FAT3: variants seen among roughly 807,000 people sequenced by gnomAD.
FAT3 encodes protocadherin Fat 3.
FAT3 carries 95 observed loss-of-function variants against 310.2 expected under a neutral mutation model. The ratio of observed to expected loss-of-function variants is 0.31; its 90% CI spans 0.26 to 0.36. The LOEUF is 0.36. FAT3 is among the 10% of genes least tolerant of loss of function. The probability of loss-of-function intolerance (pLI) is 1.00; values close to 1 mark genes in which losing one functional copy is unlikely to be tolerated. For synonymous variants in FAT3, 2,314 were observed against 2,192.9 expected (o/e 1.06, Z -1.54); for missense variants, 5,408 against 5,715.6 (o/e 0.95, Z 1.74).
At chr11:92,594,003 C>T (rs1591496578) in intron 3 of FAT3, among the ~76,000 whole-genome samples, 1 of 152,294 alleles carries the variant, frequency 6.6e-6, no homozygotes, top group African/African-American at 2.4e-5. Context: ...ACCCCTTCTC[C>T]CTGACCCTCC....
At chr11:92,229,281 CT>C (rs1305273085) in intron 1 of FAT3, among the ~76,000 whole-genome samples, 4 of 151,984 alleles carry the variant, frequency 2.6e-5, no homozygotes, top group Non-Finnish European at 5.9e-5. Flanking sequence ...AGGAGTGGGT[CT>C]TTGTTTTTTA....
At chr11:92,626,471 CTTTT>C (rs72017730) in intron 3 of FAT3, among the ~76,000 whole-genome samples, 1 of 145,470 alleles carries the variant, frequency 6.9e-6, no homozygotes. Flanking sequence ...TAGCGTATCT[CTTTT>C]TTTTTTTTTC....
Position 92,352,483 on chromosome 11 carries a change from A to G in FAT3, c.371A>G (p.Asn124Ser). The G allele has an allele frequency of 6.2e-7, 1 of 1,612,836 alleles. No homozygotes were observed. The highest frequency in any genetic ancestry group is 1.3e-5 in the African/African-American group (1 of 75,030). Residue 124 changes from asparagine to serine, a missense_variant, in exon 2 of 28, where the codon AAT becomes AGT. By Grantham distance (46) the Asn-to-Ser change is conservative. Around this residue, in one of 5 missense-constraint regions of FAT3, gnomAD observed 152 missense variants for 188.3 expected, o/e 0.81. Coordinates refer to ENST00000525166, the MANE Select transcript of FAT3 (RefSeq NM_001367949.2). ...ATATTAAATAGGGAAATCCAGGATA[A>G]TTATTTATTGATAGTAAAAGGTTCT... ...SAILNREIQD[N>S]YLLIVKGSVR...
At chr11:92,667,905 C>T (rs1360281499) in intron 3 of FAT3, among the ~76,000 whole-genome samples, 3 of 152,170 alleles carry the variant, frequency 2.0e-5, no homozygotes, top group Non-Finnish European at 2.9e-5. Context: ...CATCTTTTGC[C>T]ACCAAGGCCT....
chr11:92,758,465 A>G (rs937629889), intron 4 of FAT3, among the ~76,000 whole-genome samples: 6 of 152,202 alleles, frequency 3.9e-5, no homozygotes, highest in African/African-American at 1.4e-4. Context: ...GTGCAAAGGA[A>G]TGGAGCTATA....
intron 4 of FAT3, among the ~76,000 whole-genome samples, chr11:92,729,457 C>T (rs949178995): frequency 6.7e-4 from 97 of 144,784 alleles, no homozygotes; most frequent in African/African-American, 2.4e-3. Flanking sequence ...GATGGAGTCT[C>T]GCTCTGTCAC....
intron 1 of FAT3, among the ~76,000 whole-genome samples, chr11:92,282,435 C>T (rs1343535227): frequency 6.6e-6 from 1 of 151,990 alleles, no homozygotes. Flanking sequence ...GAGGCCGAGG[C>T]GGATGGATCA....
rs2136187559 is a variant in FAT3, at chr11:92,800,771, G to A, written c.7758G>A (p.Val2586=). Residue 2586 remains valine (V), a synonymous_variant, in exon 10 of 28, where the codon GTG becomes GTA. Transcript: ENST00000525166. ...DGGGRTTFCT[V]RVIVVDENDN... ...GAGGGAGAACAACTTTCTGCACTGT[G>A]AGAGTGATTGTTGTGGATGAAAATG... 5.6e-6 allele frequency: 9 copies of A among 1,613,930 alleles called. No individual in the cohort carries two copies. Among genetic ancestry groups the A allele is most frequent in the Non-Finnish European group, 7.6e-6 (9 of 1,179,872 alleles).
chr11:92,414,230 A>C (rs1206434777), intron 2 of FAT3, among the ~76,000 whole-genome samples: 2 of 152,310 alleles, frequency 1.3e-5, no homozygotes, highest in African/African-American at 2.4e-5. Flanking sequence ...ACAAGCTGAG[A>C]GAGATCACGG....
chr11:92,712,591 A>G (rs1944557960), intron 4 of FAT3, among the ~76,000 whole-genome samples: 1 of 96,712 alleles, frequency 1.0e-5, no homozygotes, highest in Non-Finnish European at 2.0e-5. Flanking sequence ...CTGAATTAAA[A>G]TGAAAAAAAA....
At chr11:92,255,317 A>AT (rs1314478764) in intron 1 of FAT3, among the ~76,000 whole-genome samples, 1 of 149,782 alleles carries the variant, frequency 6.7e-6, no homozygotes, top group African/African-American at 2.4e-5. Context: ...TAATTAGATA[A>AT]TTTTTTATTT....
intron 12 of FAT3, among the ~76,000 whole-genome samples, chr11:92,809,480 G>A (rs1216881284): frequency 6.6e-6 from 1 of 152,158 alleles, no homozygotes; most frequent in East Asian, 1.9e-4. Flanking sequence ...TTCTCTGTGT[G>A]TTTTCTGGAC....
rs2136450943 is a variant in FAT3, at chr11:92,891,103, C to T, written c.13760C>T (p.Thr4587Ile). The T allele has an allele frequency of 6.2e-7, 1 of 1,613,504 alleles. No homozygotes were observed. Among genetic ancestry groups the T allele is most frequent in the Non-Finnish European group, 8.5e-7 (1 of 1,179,756 alleles). ...CCCTTTGTGGAGACTCAGCATCAGA[C>T]TCAAGTGTAGACATCACATCTTGGG... ...HIPFVETQHQTQV is the reference protein window; with the variant it reads ...HIPFVETQHQIQV The change falls in exon 28 of 28, where the codon ACT becomes ATT. Residue 4587 changes from threonine to isoleucine, a missense_variant. Coordinates refer to ENST00000525166, the MANE Select transcript of FAT3 (RefSeq NM_001367949.2).
Position 92,841,005 on chromosome 11 carries a change from G to C in FAT3, c.10566+246G>C, listed in dbSNP as rs575136852. On this transcript the variant is annotated intron_variant, in intron 18 of 27. Coordinates refer to ENST00000525166, the MANE Select transcript of FAT3 (RefSeq NM_001367949.2). Reference sequence around the variant, plus strand: ...ACATTCCTGTAGAGTATGCCCAACAGATGGTCACTGGGCTTAAATCTGCAT... The same window carrying C: ...ACATTCCTGTAGAGTATGCCCAACACATGGTCACTGGGCTTAAATCTGCAT... Among the ~76,000 whole-genome samples, 5 of 152,302 alleles carry C rather than the reference G, an allele frequency of 3.3e-5. No homozygotes were observed. In the South Asian group the frequency reaches 1.0e-3, roughly 32 times the overall value.
At position 92,346,436 on chromosome 11, in the gene FAT3, C is replaced by G. The variant is rs574353152; in HGVS notation, c.-17-5660C>G. ...AATAGCTTTTGGCCATGTCACCATG[C>G]ACAGGACCTCTCTGTGGCATTGACT... On this transcript the variant is annotated intron_variant, in intron 1 of 27. Transcript: ENST00000525166. 3.3e-5 allele frequency among the ~76,000 whole-genome samples: 5 copies of G among 152,242 alleles called. No homozygotes were observed. In the South Asian group the frequency reaches 1.0e-3, roughly 32 times the overall value.
intron 1 of FAT3, among the ~76,000 whole-genome samples, chr11:92,294,002 G>T (rs1418199417): frequency 1.3e-5 from 2 of 151,968 alleles, no homozygotes; most frequent in African/African-American, 4.8e-5. Flanking sequence ...TGCCATCTTA[G>T]TCATCTTGGG....
rs1053628380 is a variant in FAT3, at chr11:92,230,439, G to C, written c.-18+5265G>C. Among the ~76,000 whole-genome samples, 5 of 149,336 alleles carry C rather than the reference G, an allele frequency of 3.3e-5. No homozygotes were observed. In the Admixed American group the frequency reaches 3.3e-4, roughly 10 times the overall value. On this transcript the variant is annotated intron_variant, in intron 1 of 27. Transcript: ENST00000525166. ...CTCCCGAGTAACTGGGATTACAGGCGCACACCACCATGCCCTCTTAATTTT... is the reference window on the plus strand; with the variant it reads ...CTCCCGAGTAACTGGGATTACAGGCCCACACCACCATGCCCTCTTAATTTT...
intron 2 of FAT3, among the ~76,000 whole-genome samples, chr11:92,385,132 T>G (rs1258954955): frequency 6.6e-6 from 1 of 152,248 alleles, no homozygotes; most frequent in Non-Finnish European, 1.5e-5. Context: ...GTATTACTCC[T>G]ATAAGAAAGC....
rs146280707 is a variant in FAT3, at chr11:92,683,147, T to G, written c.3608-14237T>G. On this transcript the variant is annotated intron_variant, in intron 3 of 27. Coordinates refer to ENST00000525166, the MANE Select transcript of FAT3 (RefSeq NM_001367949.2). Reference sequence around the variant, plus strand: ...CTGTTTTATTGTGAGGGTTATTTACTTGCTTTCTAATGTGGTCTTGGTCCC... The same window carrying G: ...CTGTTTTATTGTGAGGGTTATTTACGTGCTTTCTAATGTGGTCTTGGTCCC... Among the ~76,000 whole-genome samples the G allele has an allele frequency of 3.4e-4, 52 of 151,138 alleles. 2 individuals are homozygous for G. The East Asian group carries it at 9.0e-3, about 26-fold the overall frequency.
Sources: gnomAD v4.1 joint callset for allele counts (sites outside exome capture counted in the v4.1 genomes callset) on GRCh38, gnomAD v4.1.1 for gene constraint, gnomAD v4.1.1 regional missense constraint, MANE v1.5 for transcripts, NCBI Gene and HGNC (gene_info 2026-07-23, HGNC 2026-07-21) for gene names.